ARHGEF7: variants seen among roughly 807,000 people sequenced by gnomAD.
ARHGEF7 encodes the protein PAK-interacting exchange factor beta.
In ARHGEF7, 33 loss-of-function variants were observed where a neutral mutation model predicts 109.8. The observed-to-expected ratio is 0.30, with a 90% CI of 0.23 to 0.40. The LOEUF (loss-of-function observed/expected upper bound fraction) is 0.40, where lower values mean the gene tolerates loss of function less well. Among genes scored for constraint, ARHGEF7 ranks in the 10% least tolerant of loss-of-function variants. The pLI is 1.00. For synonymous variants in ARHGEF7, 458 were observed against 424.6 expected, an observed-to-expected ratio of 1.08 and a Z score of -0.97; for missense variants, 938 against 1,098.5, an observed-to-expected ratio of 0.85 and a Z score of 2.07.
chr13:111,187,283 C>T (rs1308326362), intron 2 of ARHGEF7, among the ~76,000 whole-genome samples: 2 of 152,180 alleles, frequency 1.3e-5, no homozygotes, highest in African/African-American at 4.8e-5. Context: ...AATTGGTTCA[C>T]GTGGTGGGCT....
At chr13:111,202,405 C>T (rs1051041181) in intron 2 of ARHGEF7, among the ~76,000 whole-genome samples, 1 of 152,220 alleles carries the variant, frequency 6.6e-6, no homozygotes, top group Non-Finnish European at 1.5e-5. Flanking sequence ...TGCCCTTTTA[C>T]AGCCCCCCAG....
rs2076546392 is a variant in ARHGEF7, at chr13:111,158,947, A to G, written c.252+4956A>G. The G allele has an allele frequency of 1.3e-5, 9 of 713,442 alleles. No homozygotes were observed. In the South Asian group the frequency reaches 1.3e-4, roughly 11 times the overall value. The allele number at this position is 713,442 out of a possible 1,614,324, so 44.2% of individuals were successfully genotyped here. A position where few individuals can be genotyped will look rare whatever the true frequency, so the allele number is the denominator to read the frequency against. The stretch of plus-strand genomic sequence containing the variant: ...TGTTAACTGTAGTCACCTGCTGTAC[A>G]ATAGATCACTAAAATTTATTCCTCC... On this transcript the variant is annotated intron_variant, in intron 2 of 21. Transcript: ENST00000646102.
intron 6 of ARHGEF7, among the ~76,000 whole-genome samples, chr13:111,240,210 C>T (rs2087526792): frequency 6.6e-6 from 1 of 152,166 alleles, no homozygotes; most frequent in South Asian, 2.1e-4. Context: ...GTGTCTGCTT[C>T]CCCCTGTGTG....
At chr13:111,178,449 T>C (rs2078383733) in intron 2 of ARHGEF7, among the ~76,000 whole-genome samples, 1 of 152,256 alleles carries the variant, frequency 6.6e-6, no homozygotes, top group Non-Finnish European at 1.5e-5. Context: ...AAGGGAGTGG[T>C]CTTCAGTTCA....
chr13:111,302,259 C>T (rs1007981511), intron 21 of ARHGEF7, among the ~76,000 whole-genome samples: 5 of 151,944 alleles, frequency 3.3e-5, no homozygotes, highest in African/African-American at 7.3e-5. Flanking sequence ...CCCAGCTAGG[C>T]GAGGGAAGGT....
In ARHGEF7 at chr13:111,209,984, G is replaced by C; in HGVS notation, c.450G>C (p.Gln150His). 6.2e-7 allele frequency: 1 copy of C among 1,614,166 alleles called. No individual in the cohort carries two copies. The highest frequency in any genetic ancestry group is 1.1e-5 in the South Asian group (1 of 91,076). Residue 150 changes from glutamine to histidine, a missense_variant, in exon 4 of 22, where the codon CAG (glutamine) becomes CAC (histidine). Physicochemically the swap from Gln to His is conservative, Grantham distance 24. Around this residue, in one of 4 missense-constraint regions of ARHGEF7, gnomAD observed 585 missense variants for 723.6 expected, o/e 0.81. Transcript: ENST00000646102. ...ACACTCGGACTTCAAAACTGTTCCA[G>C]GGCCAGTATCGGAGTTTGGTAAGTT... ...SLHTRTSKLF[Q>H]GQYRSLDMTD...
intron 1 of ARHGEF7, among the ~76,000 whole-genome samples, chr13:111,152,522 A>T (rs1276009375): frequency 6.6e-6 from 1 of 152,234 alleles, no homozygotes; most frequent in Non-Finnish European, 1.5e-5. Context: ...AGAAAGAAAA[A>T]AGCTTCATTT....
At chr13:111,209,599 A>G (rs1270615435) in intron 3 of ARHGEF7, among the ~76,000 whole-genome samples, 1 of 152,254 alleles carries the variant, frequency 6.6e-6, no homozygotes, top group Non-Finnish European at 1.5e-5. Context: ...TTTAAAAGTT[A>G]TAATACATTT....
chr13:111,129,374 A>T (rs35191627), intron 1 of ARHGEF7, among the ~76,000 whole-genome samples: 18,950 of 152,182 alleles, frequency 0.12, 1,367 homozygotes, highest in East Asian at 0.2. Flanking sequence ...AGAGTGGACA[A>T]ATTGGACTTA....
intron 5 of ARHGEF7, among the ~76,000 whole-genome samples, chr13:111,220,324 C>T (rs557647899): frequency 2.6e-5 from 4 of 152,336 alleles, no homozygotes; most frequent in South Asian, 2.1e-4. Context: ...TAGGGACAGA[C>T]GCTTGTTCCA....
intron 3 of ARHGEF7, 73 bp downstream of exon 3, chr13:111,205,446 A>G: frequency 3.6e-6 from 4 of 1,096,938 alleles, no homozygotes; most frequent in Non-Finnish European, 5.2e-6. Flanking sequence ...TTCTTGTTTT[A>G]CCAAAGCCAG....
intron 5 of ARHGEF7, among the ~76,000 whole-genome samples, chr13:111,229,269 G>A (rs1227996928): frequency 1.3e-5 from 2 of 152,174 alleles, no homozygotes; most frequent in Admixed American, 1.3e-4. Flanking sequence ...CTTACTAGAT[G>A]TCTTATTTTG....
chr13:111,204,470 A>G (rs2081542688), intron 2 of ARHGEF7, among the ~76,000 whole-genome samples: 1 of 152,222 alleles, frequency 6.6e-6, no homozygotes. Context: ...CAGAAGCCAT[A>G]TGTAGTCTTT....
chr13:111,280,698 C>G, intron 15 of ARHGEF7, 21 bp downstream of exon 15: 1 of 1,502,784 alleles, frequency 6.7e-7, no homozygotes, highest in Non-Finnish European at 8.9e-7. Flanking sequence ...GGTGCTTCTC[C>G]TCCTTCCAGA....
intron 1 of ARHGEF7, among the ~76,000 whole-genome samples, chr13:111,151,457 A>G (rs79999877): frequency 0.039 from 5,988 of 152,292 alleles, 188 homozygotes; most frequent in African/African-American, 0.082. Flanking sequence ...CCTCACAACA[A>G]TACTGCTCAC....
intron 8 of ARHGEF7, among the ~76,000 whole-genome samples, chr13:111,262,092 G>C (rs1461218394): frequency 5.3e-5 from 8 of 151,950 alleles, no homozygotes; most frequent in Non-Finnish European, 1.0e-4. Context: ...ATTGTAGAAG[G>C]AAAATAATAA....
rs769175348 is a variant in ARHGEF7, at chr13:111,283,164, C to CCAGCAAGCACGCAGA, written c.1760_1774dup (p.His587_Lys591dup). Reference sequence around the variant, plus strand: ...CTCCCCTCCCACCCGGTCACTCCGTCCAGCAAGCACGCAGACAGCAAGCCC... The same window carrying CCAGCAAGCACGCAGA: ...CTCCCCTCCCACCCGGTCACTCCGTCCAGCAAGCACGCAGACAGCAAGCACGCAGACAGCAAGCCC... On this transcript the variant is annotated inframe_insertion, in exon 16 of 22. Transcript: ENST00000646102. 2.5e-6 allele frequency: 4 copies of CCAGCAAGCACGCAGA among 1,594,194 alleles called. No individual in the cohort carries two copies. The highest frequency in any genetic ancestry group is 1.1e-5 in the South Asian group (1 of 87,726).
At chr13:111,154,542 A>G (rs576297977) in intron 2 of ARHGEF7, among the ~76,000 whole-genome samples, 143 of 152,262 alleles carry the variant, frequency 9.4e-4, no homozygotes, top group Non-Finnish European at 1.8e-3. Context: ...CCGTACCCTC[A>G]ACACTTAATG....
intron 13 of ARHGEF7, among the ~76,000 whole-genome samples, chr13:111,278,494 A>G (rs767332313): frequency 2.8e-4 from 43 of 152,198 alleles, no homozygotes; most frequent in Non-Finnish European, 4.4e-4. Flanking sequence ...CCCTAAGCAG[A>G]CACTATGCCC....
Sources: gnomAD v4.1 joint callset for allele counts (sites outside exome capture counted in the v4.1 genomes callset) on GRCh38, gnomAD v4.1.1 for gene constraint, gnomAD v4.1.1 regional missense constraint, MANE v1.5 for transcripts, NCBI Gene and HGNC (gene_info 2026-07-23, HGNC 2026-07-21) for gene names.